The following TNFSF4 variants were observed in gnomAD, a reference collection of about 807,000 sequenced individuals.
TNFSF4 encodes the protein TNF superfamily member 4, also known as tumor necrosis factor ligand superfamily member 4.
Under a neutral mutation model 7.3 loss-of-function variants are expected in TNFSF4, and 4 were observed. The ratio of observed to expected loss-of-function variants is 0.55; its 90% confidence interval spans 0.27 to 1.25. TNFSF4 has a LOEUF of 1.25. Ranked by LOEUF, TNFSF4 falls within the 50% of genes most tolerant of loss-of-function variation. The probability of loss-of-function intolerance (pLI) is 0.12; values close to 1 mark genes in which losing one functional copy is unlikely to be tolerated. For synonymous variants in TNFSF4, 76 were observed against 83.7 expected, an observed-to-expected ratio of 0.91 and a Z score of 0.50; for missense variants, 181 against 208.8, an observed-to-expected ratio of 0.87 and a Z score of 0.82.
chr1:173,348,654 C>T, the TNFSF4 span, among the ~76,000 whole-genome samples: 1 of 152,070 alleles, frequency 6.6e-6, no homozygotes. Flanking sequence ...AGTGTATAAA[C>T]CCCTAGCAAG....
chr1:173,209,573 T>C (rs1318385099), upstream of TNFSF4, among the ~76,000 whole-genome samples: 1 of 152,184 alleles, frequency 6.6e-6, no homozygotes, highest in Non-Finnish European at 1.5e-5. Context: ...AGCACAATCA[T>C]AGCTCACTGT....
the TNFSF4 span, among the ~76,000 whole-genome samples, chr1:173,218,709 A>T: frequency 2.6e-5 from 4 of 151,792 alleles, no homozygotes; most frequent in African/African-American, 7.3e-5. Flanking sequence ...ATATATATAA[A>T]TTTTTTTTTC....
chr1:173,215,147 T>C, the TNFSF4 span, among the ~76,000 whole-genome samples: 2 of 152,048 alleles, frequency 1.3e-5, no homozygotes, highest in Non-Finnish European at 2.9e-5. Flanking sequence ...CCTTGAGCCA[T>C]CTCTCTCTCC....
the TNFSF4 span, among the ~76,000 whole-genome samples, chr1:173,296,703 A>G: frequency 6.6e-6 from 1 of 151,978 alleles, no homozygotes; most frequent in Non-Finnish European, 1.5e-5. Flanking sequence ...GTTAGTGGAC[A>G]TGGGTAGGCA....
chr1:173,391,136 A>G, the TNFSF4 span, among the ~76,000 whole-genome samples: 12 of 152,110 alleles, frequency 7.9e-5, no homozygotes, highest in Non-Finnish European at 1.6e-4. Flanking sequence ...TACAGCAGAC[A>G]TGTTAAAAAT....
At chr1:173,180,217 A>G (rs1046003359), downstream of TNFSF4, among the ~76,000 whole-genome samples, 1 of 152,192 alleles carries the variant, frequency 6.6e-6, no homozygotes, top group Non-Finnish European at 1.5e-5. Context: ...TATTCCTGAT[A>G]TATTTCAGAT....
the TNFSF4 span, among the ~76,000 whole-genome samples, chr1:173,277,257 T>TG: frequency 6.6e-6 from 1 of 152,150 alleles, no homozygotes; most frequent in African/African-American, 2.4e-5. Context: ...AAGGTAACTA[T>TG]TCAGGATCTG....
chr1:173,446,174 C>T, the TNFSF4 span, among the ~76,000 whole-genome samples: 1 of 151,300 alleles, frequency 6.6e-6, no homozygotes, highest in Non-Finnish European at 1.5e-5. Flanking sequence ...GATTTTAAGG[C>T]AACTATCGTA....
At chr1:173,405,210 A>G in the TNFSF4 span, among the ~76,000 whole-genome samples, 1 of 152,298 alleles carries the variant, frequency 6.6e-6, no homozygotes, top group Non-Finnish European at 1.5e-5. Context: ...TTTGTGGGCC[A>G]TATGGTTTCC....
chr1:173,291,779 G>C, the TNFSF4 span, among the ~76,000 whole-genome samples: 3 of 151,826 alleles, frequency 2.0e-5, no homozygotes, highest in Admixed American at 2.0e-4. Context: ...AAAGAGAAAA[G>C]ATCCCTATAA....
chr1:173,351,309 C>T, the TNFSF4 span, among the ~76,000 whole-genome samples: 94 of 152,298 alleles, frequency 6.2e-4, 1 homozygote, highest in South Asian at 5.6e-3. Flanking sequence ...AGATCTCAAC[C>T]TAAGCATCCC....
At chr1:173,173,919 T>C in the TNFSF4 span, among the ~76,000 whole-genome samples, 3 of 152,264 alleles carry the variant, frequency 2.0e-5, no homozygotes, top group Non-Finnish European at 4.4e-5. Context: ...TGATTAATAC[T>C]TGGTTCCTCA....
chr1:173,265,539 CA>C, the TNFSF4 span, among the ~76,000 whole-genome samples: 4 of 152,296 alleles, frequency 2.6e-5, no homozygotes, highest in Admixed American at 2.6e-4. Flanking sequence ...CACATTATGT[CA>C]ATGACTGTAT....
At chr1:173,229,025 A>G in the TNFSF4 span, among the ~76,000 whole-genome samples, 1 of 152,220 alleles carries the variant, frequency 6.6e-6, no homozygotes, top group Non-Finnish European at 1.5e-5. Flanking sequence ...TATCCAGGAG[A>G]AATTCCCACA....
the TNFSF4 span, among the ~76,000 whole-genome samples, chr1:173,238,017 G>A: frequency 6.6e-6 from 1 of 152,080 alleles, no homozygotes; most frequent in Non-Finnish European, 1.5e-5. Context: ...GTACTACAAG[G>A]CTACAGTAAC....
the TNFSF4 span, among the ~76,000 whole-genome samples, chr1:173,377,322 T>C: frequency 4.6e-5 from 7 of 152,298 alleles, no homozygotes; most frequent in South Asian, 1.4e-3. Context: ...GCCACTGGAC[T>C]AAAAACACGA....
chr1:173,384,684 A>C, the TNFSF4 span, among the ~76,000 whole-genome samples: 1 of 152,166 alleles, frequency 6.6e-6, no homozygotes, highest in African/African-American at 2.4e-5. Context: ...CGATGAAACA[A>C]ATTTTTAATA....
rs139746118 is a variant in TNFSF4, at chr1:173,202,767, C to T, written c.153+4257G>A. 3.8e-3 allele frequency among the ~76,000 whole-genome samples: 584 copies of T among 152,296 alleles called. 4 individuals are homozygous for T. Among genetic ancestry groups the T allele is most frequent in the Middle Eastern group, 0.024 (7 of 294 alleles). On this transcript the variant is annotated intron_variant, in intron 1 of 2. Transcript: ENST00000281834. ...CAGCTTTTCAGCTTCATCTCCACCA[C>T]TTTCCCACAGGAACACTCAACTTGA...
the TNFSF4 span, among the ~76,000 whole-genome samples, chr1:173,348,583 A>T: frequency 9.2e-5 from 14 of 152,240 alleles, no homozygotes; most frequent in African/African-American, 2.9e-4. Flanking sequence ...AATGCAAAAT[A>T]AACATTCAAT....
Sources: allele counts gnomAD v4.1 joint callset (sites outside exome capture counted in the v4.1 genomes callset), GRCh38; gene constraint gnomAD v4.1.1; transcripts MANE v1.5; gene names NCBI Gene and HGNC (gene_info 2026-07-23, HGNC 2026-07-21).